LRP1B: variants seen among roughly 807,000 people sequenced by gnomAD.
LRP1B encodes the protein LDL receptor related protein 1B, also known as low-density lipoprotein receptor-related protein 1B.
In LRP1B, 217 loss-of-function variants were observed where a neutral mutation model predicts 556.6. The observed-to-expected ratio is 0.39, with a 90% CI of 0.35 to 0.44. LRP1B has a LOEUF of 0.44. LRP1B is among the 20% of genes least tolerant of loss of function. The pLI, the probability that LRP1B is intolerant of heterozygous loss-of-function variation, is 1.00. For missense variants in LRP1B, 5,053 were observed against 5,620.8 expected (o/e 0.90, Z 3.23); for synonymous variants, 2,047 against 1,865.8 (o/e 1.10, Z -2.50).
intron 1 of LRP1B, among the ~76,000 whole-genome samples, chr2:141,981,014 T>G (rs1574556718): frequency 1.3e-5 from 2 of 152,122 alleles, no homozygotes; most frequent in East Asian, 3.9e-4. Context: ...TCTCCAAATA[T>G]TTTATAAAAT....
chr2:141,613,098 G>A lies in LRP1B; in HGVS notation c.206-132565C>T, dbSNP rs372630747. On this transcript the variant is annotated intron_variant, in intron 2 of 90. Coordinates refer to ENST00000389484, the MANE Select transcript of LRP1B (RefSeq NM_018557.3). ...GCTGGGATTATAGGCATGAGCCACC[G>A]CACCTGGCCTGTTTTTGTTTTTTAG... Among the ~76,000 whole-genome samples the A allele has an allele frequency of 9.9e-5, 15 of 152,100 alleles. No individual in the cohort carries two copies. The East Asian group carries it at 1.6e-3, about 16-fold the overall frequency.
At chr2:140,934,224 T>C (rs1377498342) in intron 20 of LRP1B, among the ~76,000 whole-genome samples, 1 of 152,096 alleles carries the variant, frequency 6.6e-6, no homozygotes, top group African/African-American at 2.4e-5. Context: ...GAAGAACATA[T>C]GATTTTGCTG....
At chr2:140,986,240 G>T (rs12989088) in intron 17 of LRP1B, among the ~76,000 whole-genome samples, 1 of 151,596 alleles carries the variant, frequency 6.6e-6, no homozygotes, top group Non-Finnish European at 1.5e-5. Flanking sequence ...AATAGAACAC[G>T]ATATATCTAT....
intron 2 of LRP1B, among the ~76,000 whole-genome samples, chr2:141,492,949 A>G (rs777345803): frequency 1.3e-5 from 2 of 152,178 alleles, no homozygotes; most frequent in Non-Finnish European, 2.9e-5. Context: ...TACACTTTTA[A>G]TGAAAACAAA....
At chr2:140,931,993 T>C (rs1695064364) in intron 20 of LRP1B, among the ~76,000 whole-genome samples, 1 of 152,160 alleles carries the variant, frequency 6.6e-6, no homozygotes, top group Admixed American at 6.5e-5. Context: ...CTGTTTGGTT[T>C]ACCAGTGTGC....
chr2:140,902,872 T>G, intron 23 of LRP1B, 48 bp downstream of exon 23: 1 of 1,582,538 alleles, frequency 6.3e-7, no homozygotes, highest in Non-Finnish European at 8.6e-7. Flanking sequence ...TTTGTTTCTT[T>G]CAAGATCTAT....
chr2:141,296,768 G>C (rs1373045894), intron 3 of LRP1B, among the ~76,000 whole-genome samples: 1 of 151,950 alleles, frequency 6.6e-6, no homozygotes, highest in Non-Finnish European at 1.5e-5. Flanking sequence ...TTTTTACATG[G>C]GTATATCGCA....
rs2105130338 is a variant in LRP1B at position 140,356,435 on chromosome 2, C to T, written c.11437G>A (p.Gly3813Arg). ...ATTTGATTACAATATGCATCATCTC[C>T]ACATGGATTCACATTATCTTCACAG... ...YTCEDNVNPCGDDAYCNQIKT... is the reference protein window; with the variant it reads ...YTCEDNVNPCRDDAYCNQIKT... The change falls in exon 75 of 91, where the codon GGA (glycine) becomes AGA (arginine). Residue 3813 changes from glycine (G) to arginine (R), a missense_variant. By Grantham distance (125) the Gly-to-Arg change is moderately radical. This residue lies in a region of LRP1B where 599 missense variants were observed against 648.4 expected (regional missense o/e 0.92). Coordinates refer to ENST00000389484, the MANE Select transcript of LRP1B (RefSeq NM_018557.3). 2 of 1,606,804 alleles carry T rather than the reference C, an allele frequency of 1.2e-6. No individual in the cohort carries two copies. The highest frequency in any genetic ancestry group is 1.3e-5 in the African/African-American group (1 of 74,728).
intron 75 of LRP1B, among the ~76,000 whole-genome samples, chr2:140,354,267 C>A (rs898386888): frequency 6.6e-6 from 1 of 152,032 alleles, no homozygotes; most frequent in Admixed American, 6.6e-5. Flanking sequence ...TTTTGCGTAG[C>A]ACACAAACAA....
intron 2 of LRP1B, among the ~76,000 whole-genome samples, chr2:141,730,283 G>A (rs1693221700): frequency 6.6e-6 from 1 of 152,060 alleles, no homozygotes; most frequent in Non-Finnish European, 1.5e-5. Context: ...ACCAGGGTTT[G>A]GGCACAGAAT....
intron 86 of LRP1B, among the ~76,000 whole-genome samples, chr2:140,264,223 G>GA (rs1682082439): frequency 6.6e-6 from 1 of 150,702 alleles, no homozygotes; most frequent in African/African-American, 2.5e-5. Flanking sequence ...TTTTTGTTTT[G>GA]TTTTTTTGGT....
intron 1 of LRP1B, among the ~76,000 whole-genome samples, chr2:142,090,707 G>A (rs1375975697): frequency 6.6e-6 from 1 of 151,944 alleles, no homozygotes; most frequent in Non-Finnish European, 1.5e-5. Flanking sequence ...GCAATACAAA[G>A]TACTATCCAC....
At chr2:141,554,247 T>A (rs1295218577) in intron 2 of LRP1B, among the ~76,000 whole-genome samples, 1 of 109,330 alleles carries the variant, frequency 9.1e-6, no homozygotes, top group Non-Finnish European at 2.1e-5. Context: ...TCTATAGGAA[T>A]AGACCTAGAT....
At chr2:141,983,392 C>G (rs1457640414) in intron 1 of LRP1B, among the ~76,000 whole-genome samples, 1 of 152,276 alleles carries the variant, frequency 6.6e-6, no homozygotes, top group East Asian at 1.9e-4. Flanking sequence ...GGGCAAAACC[C>G]TATGCATTTC....
In LRP1B at chr2:140,735,359, C is replaced by T. The variant is rs77550865; in HGVS notation, c.5759-18543G>A. ...TACAGACAGATAATTTAAAAACTGACAGCTGTTAATAAGCAGTTAAGACTA... is the reference window on the plus strand; with the variant it reads ...TACAGACAGATAATTTAAAAACTGATAGCTGTTAATAAGCAGTTAAGACTA... On this transcript the variant is annotated intron_variant, in intron 35 of 90. Transcript: ENST00000389484. 0.018 allele frequency among the ~76,000 whole-genome samples: 2,804 copies of T among 152,216 alleles called. 190 individuals are homozygous for T. In the East Asian group the frequency reaches 0.23, roughly 12 times the overall value.
intron 1 of LRP1B, among the ~76,000 whole-genome samples, chr2:141,949,731 T>C (rs1352138102): frequency 1.3e-5 from 2 of 152,156 alleles, no homozygotes; most frequent in Non-Finnish European, 2.9e-5. Context: ...ACTATACCTC[T>C]GAAAATCTAA....
intron 56 of LRP1B, among the ~76,000 whole-genome samples, chr2:140,494,057 T>C (rs1688813137): frequency 2.0e-5 from 3 of 152,328 alleles, no homozygotes; most frequent in African/African-American, 7.2e-5. Context: ...CTTTACAACT[T>C]AAATATATTT....
intron 41 of LRP1B, among the ~76,000 whole-genome samples, chr2:140,659,105 T>G (rs1032724559): frequency 3.8e-5 from 5 of 130,410 alleles, no homozygotes; most frequent in African/African-American, 3.1e-5. Context: ...TCTGTTTTTT[T>G]TTTTTTTTTT....
intron 1 of LRP1B, among the ~76,000 whole-genome samples, chr2:141,983,555 T>C (rs564782685): frequency 2.6e-5 from 4 of 152,286 alleles, no homozygotes; most frequent in African/African-American, 7.2e-5. Flanking sequence ...TGGCATAAAG[T>C]AGAAGTAGTT....
Sources: gnomAD v4.1 joint callset for allele counts (sites outside exome capture counted in the v4.1 genomes callset) on GRCh38, gnomAD v4.1.1 for gene constraint, gnomAD v4.1.1 regional missense constraint, MANE v1.5 for transcripts, NCBI Gene and HGNC (gene_info 2026-07-23, HGNC 2026-07-21) for gene names.